The following SDK1 variants were observed in gnomAD, a reference collection of about 807,000 sequenced individuals.
The protein encoded by SDK1 is sidekick cell adhesion molecule 1.
Under a neutral mutation model 245.5 loss-of-function variants are expected in SDK1, and 157 were observed. The ratio of observed to expected loss-of-function variants is 0.64; its 90% CI spans 0.56 to 0.73. SDK1 has a LOEUF of 0.73. SDK1 is among the 30% of genes least tolerant of loss of function. The pLI is 0.00. For missense variants in SDK1, 3,583 were observed against 3,002.3 expected, an observed-to-expected ratio of 1.19 and a Z score of -4.52; for synonymous variants, 1,647 against 1,278.5, an observed-to-expected ratio of 1.29 and a Z score of -6.15.
Position 3,323,946 on chromosome 7 carries a change from TA to T in SDK1, c.298+22063del, listed in dbSNP as rs150392727. ...CTCTGTCTTTTGATTGCAGGGTTTC[TA>T]TTACCTATGTCCATTTCTTTAAGCC... On this transcript the variant is annotated intron_variant, in intron 1 of 44. Transcript: ENST00000404826. Among the ~76,000 whole-genome samples the T allele has an allele frequency of 2.5e-3, 382 of 152,334 alleles. 10 individuals carry two copies. In the East Asian group the frequency reaches 0.061, roughly 24 times the overall value.
At chr7:3,931,784 A>G (rs1057316927) in intron 5 of SDK1, among the ~76,000 whole-genome samples, 4 of 152,130 alleles carry the variant, frequency 2.6e-5, no homozygotes, top group East Asian at 1.9e-4. Flanking sequence ...GAGTTTTTCC[A>G]TAGGTTGAAC....
intron 4 of SDK1, among the ~76,000 whole-genome samples, chr7:3,719,228 C>T (rs1233399946): frequency 6.9e-6 from 1 of 144,662 alleles, no homozygotes; most frequent in Non-Finnish European, 1.5e-5. Flanking sequence ...CTTTGGGGAT[C>T]AGAAAACCCA....
intron 1 of SDK1, among the ~76,000 whole-genome samples, chr7:3,505,433 C>G (rs948717634): frequency 6.6e-6 from 1 of 152,054 alleles, no homozygotes; most frequent in Non-Finnish European, 1.5e-5. Flanking sequence ...AATCTTTTTG[C>G]AGGGATGGGG....
At chr7:3,675,405 CT>C (rs1272767112) in intron 4 of SDK1, among the ~76,000 whole-genome samples, 3 of 152,244 alleles carry the variant, frequency 2.0e-5, no homozygotes, top group Admixed American at 6.5e-5. Context: ...CTTAGCTAAT[CT>C]TTTTTTAGAA....
intron 1 of SDK1, among the ~76,000 whole-genome samples, chr7:3,482,884 T>C (rs1781561253): frequency 6.6e-6 from 1 of 152,168 alleles, no homozygotes; most frequent in Non-Finnish European, 1.5e-5. Context: ...GCTTAGAAAA[T>C]TGCCTGACAC....
chr7:3,559,270 C>G (rs991955425), intron 1 of SDK1, among the ~76,000 whole-genome samples: 4 of 152,154 alleles, frequency 2.6e-5, no homozygotes, highest in African/African-American at 4.8e-5. Context: ...CTTGATAGCA[C>G]ATCAACACAG....
At chr7:3,480,474 C>T (rs544635769) in intron 1 of SDK1, among the ~76,000 whole-genome samples, 8 of 151,674 alleles carry the variant, frequency 5.3e-5, no homozygotes, top group Middle Eastern at 6.8e-3. Flanking sequence ...CTGCCTGCCT[C>T]GTGCACATAC....
At chr7:4,070,043 C>A (rs920074304) in intron 20 of SDK1, among the ~76,000 whole-genome samples, 1 of 152,180 alleles carries the variant, frequency 6.6e-6, no homozygotes, top group Non-Finnish European at 1.5e-5. Context: ...CTCAAAGCAC[C>A]CTGAGGCCAC....
At chr7:4,030,100 G>A (rs62439613) in intron 17 of SDK1, among the ~76,000 whole-genome samples, 2 of 152,178 alleles carry the variant, frequency 1.3e-5, no homozygotes, top group African/African-American at 2.4e-5. Context: ...CTAGATGCGC[G>A]TCAAGCATCG....
In SDK1 at chr7:4,110,758, C is replaced by A. The variant is rs758792664; in HGVS notation, c.3420C>A (p.Pro1140=). 169 of 1,609,118 alleles carry A rather than the reference C, an allele frequency of 1.1e-4. No individual in the cohort carries two copies. Among genetic ancestry groups the A allele is most frequent in the Non-Finnish European group, 1.4e-4 (167 of 1,175,546 alleles). Residue 1140 remains proline, a synonymous_variant, in exon 23 of 45, where the codon CCC becomes CCA. Coordinates refer to ENST00000404826, the MANE Select transcript of SDK1 (RefSeq NM_152744.4). The stretch of plus-strand genomic sequence containing the variant: ...TGCTGGAGATCCCAAACCTCACACC[C>A]TACACTCACTACAGGTGAGAACAGC... ...AQMLEIPNLT[P]YTHYRFRMKQ...
chr7:4,080,947 A>G (rs1044019900), intron 22 of SDK1, among the ~76,000 whole-genome samples: 1 of 152,260 alleles, frequency 6.6e-6, no homozygotes, highest in African/African-American at 2.4e-5. Context: ...TAAAACGCTT[A>G]GGATTAAATA....
chr7:3,941,742 C>T (rs953317502), intron 5 of SDK1, among the ~76,000 whole-genome samples: 2 of 152,148 alleles, frequency 1.3e-5, no homozygotes, highest in African/African-American at 4.8e-5. Context: ...CCACCAAACT[C>T]GAACCTCTTT....
intron 4 of SDK1, among the ~76,000 whole-genome samples, chr7:3,693,726 C>G (rs7789520): frequency 0.94 from 143,327 of 152,278 alleles, 67,575 homozygotes; most frequent in African/African-American, 0.99. Flanking sequence ...TCTAGTTTCA[C>G]ATCCCTGGAG....
intron 5 of SDK1, among the ~76,000 whole-genome samples, chr7:3,858,030 G>A (rs1780589117): frequency 6.6e-6 from 1 of 152,138 alleles, no homozygotes; most frequent in Non-Finnish European, 1.5e-5. Flanking sequence ...TATAAATTCG[G>A]TAAATCATGA....
In SDK1 at chr7:3,332,697, T is replaced by A. The variant is rs369536440; in HGVS notation, c.298+30813T>A. The stretch of plus-strand genomic sequence containing the variant: ...AGAAGAACTTATAGGAATGTCATAA[T>A]GTGCTGTAGGGGACAGTGATACTTT... On this transcript the variant is annotated intron_variant, in intron 1 of 44. Coordinates refer to ENST00000404826, the MANE Select transcript of SDK1 (RefSeq NM_152744.4). Among the ~76,000 whole-genome samples the A allele has an allele frequency of 7.7e-4, 117 of 152,324 alleles. 1 individual carries two copies. The highest frequency in any genetic ancestry group is 6.0e-3 in the South Asian group (29 of 4,828).
chr7:3,944,670 A>G (rs1780504819), intron 5 of SDK1, among the ~76,000 whole-genome samples: 1 of 152,238 alleles, frequency 6.6e-6, no homozygotes, highest in Admixed American at 6.5e-5. Flanking sequence ...ATGGCAGGTA[A>G]AAAATGTCGA....
At chr7:4,012,855 G>A (rs950584715) in intron 16 of SDK1, among the ~76,000 whole-genome samples, 19 of 152,006 alleles carry the variant, frequency 1.2e-4, no homozygotes, top group Non-Finnish European at 2.8e-4. Context: ...GGGATTACAG[G>A]CGTGAGGCAC....
chr7:4,105,426 C>G (rs1182629359), intron 22 of SDK1, among the ~76,000 whole-genome samples: 1 of 152,120 alleles, frequency 6.6e-6, no homozygotes, highest in East Asian at 1.9e-4. Flanking sequence ...CCTGCCTCAG[C>G]CTCGTGAGTA....
chr7:4,052,816 C>T lies in SDK1; in HGVS notation c.2911+986C>T, dbSNP rs190764021. Among the ~76,000 whole-genome samples the T allele has an allele frequency of 1.5e-3, 222 of 152,182 alleles. 1 individual carries two copies. The highest frequency in any genetic ancestry group is 5.2e-3 in the African/African-American group (214 of 41,546). On this transcript the variant is annotated intron_variant, in intron 19 of 44. Coordinates refer to ENST00000404826, the MANE Select transcript of SDK1 (RefSeq NM_152744.4). Reference sequence around the variant, plus strand: ...TAAAACTAGAATAATTAGGGCCATGCAGTGGTTCATGCCTGTAATCCCAGC... The same window carrying T: ...TAAAACTAGAATAATTAGGGCCATGTAGTGGTTCATGCCTGTAATCCCAGC...
Sources: gnomAD v4.1 joint callset for allele counts (sites outside exome capture counted in the v4.1 genomes callset) on GRCh38, gnomAD v4.1.1 for gene constraint, MANE v1.5 for transcripts, NCBI Gene and HGNC (gene_info 2026-07-23, HGNC 2026-07-21) for gene names.